The following CFAP43 variants were observed in gnomAD, a reference collection of about 807,000 sequenced individuals.
The protein encoded by CFAP43 is cilia and flagella associated protein 43.
CFAP43 carries 155 observed loss-of-function variants against 218.9 expected under a neutral mutation model. The ratio of observed to expected loss-of-function variants is 0.71; its 90% CI spans 0.62 to 0.81. CFAP43 has a LOEUF of 0.81. Among genes scored for constraint, CFAP43 ranks in the 30% least tolerant of loss-of-function variants. The pLI is 0.00. For synonymous variants in CFAP43, 645 were observed against 681.3 expected (o/e 0.95, Z 0.83); for missense variants, 1,778 against 1,954.3 (o/e 0.91, Z 1.70).
intron 20 of CFAP43, among the ~76,000 whole-genome samples, chr10:104,170,355 T>C (rs960187624): frequency 2.6e-5 from 4 of 151,716 alleles, no homozygotes; most frequent in African/African-American, 9.7e-5. Flanking sequence ...AGGGTGGCGG[T>C]GGGGTAGGTA....
At position 104,207,658 on chromosome 10, in the gene CFAP43, T is replaced by C; in HGVS notation, c.895+7A>G. On this transcript the variant is annotated splice_region_variant and intron_variant, in intron 6 of 37. Coordinates refer to ENST00000357060, the MANE Select transcript of CFAP43 (RefSeq NM_025145.7). ...ATACAGGAATATGAAGTAGGACAGTTTCTTACCCAATGGCGATTCCTCTTC... is the reference window on the plus strand; with the variant it reads ...ATACAGGAATATGAAGTAGGACAGTCTCTTACCCAATGGCGATTCCTCTTC... The C allele has an allele frequency of 3.1e-6, 5 of 1,611,108 alleles. No individual in the cohort carries two copies. The highest frequency in any genetic ancestry group is 4.2e-6 in the Non-Finnish European group (5 of 1,178,682).
chr10:104,174,831 G>A (rs1334493617), intron 19 of CFAP43, among the ~76,000 whole-genome samples: 2 of 151,552 alleles, frequency 1.3e-5, no homozygotes, highest in East Asian at 2.0e-4. Context: ...CGAGGTGGGC[G>A]CATCATGAGG....
Position 104,212,099 on chromosome 10 carries a change from G to C in CFAP43, c.643C>G (p.Pro215Ala). 1 of 1,613,722 alleles carries C rather than the reference G, an allele frequency of 6.2e-7. No homozygotes were observed. The change falls in exon 5 of 38, where the codon CCC (proline) becomes GCC (alanine). Residue 215 changes from proline to alanine, a missense_variant. Transcript: ENST00000357060. ...SFFNETDVVF[P>A]QSLPKDLIYG... ...ATGAGATCTTTCGGCAACGACTGGG[G>C]GAAAACGACATCCGTTTCATTAAAA...
rs558691506 is a variant in CFAP43, at chr10:104,194,430, T to A, written c.1294-416A>T. 6.6e-5 allele frequency among the ~76,000 whole-genome samples: 10 copies of A among 152,306 alleles called. No homozygotes were observed. The South Asian group carries it at 2.1e-3, about 32-fold the overall frequency. ...CATTTTTAAATTTTTATTTATTTAT[T>A]AGCGATGGGGTCTTCCTCTGTCTTG... On this transcript the variant is annotated intron_variant, in intron 10 of 37. Coordinates refer to ENST00000357060, the MANE Select transcript of CFAP43 (RefSeq NM_025145.7).
intron 1 of CFAP43, among the ~76,000 whole-genome samples, chr10:104,231,655 AG>A (rs1447505401): frequency 6.6e-6 from 1 of 152,150 alleles, no homozygotes; most frequent in Non-Finnish European, 1.5e-5. Context: ...TCTAGAATGT[AG>A]GGGAAAAAAT....
In CFAP43 at chr10:104,181,016, T is replaced by A. The variant is rs911945918; in HGVS notation, c.2290-1084A>T. Among the ~76,000 whole-genome samples the A allele has an allele frequency of 2.0e-5, 3 of 152,082 alleles. No individual in the cohort carries two copies. The South Asian group carries it at 6.2e-4, about 32-fold the overall frequency. On this transcript the variant is annotated intron_variant, in intron 17 of 37. Transcript: ENST00000357060. ...CCTTGACTCAAATCAACATATCCAG[T>A]CCTGACCTCTCCCCAGAACCCAAGG... is the stretch of plus-strand genomic sequence containing the variant.
chr10:104,224,777 A>T lies in CFAP43; in HGVS notation c.416+684T>A, dbSNP rs971406315. ...CTCAAAAAAAAAAAAAAAAAAAAAA[A>T]TTTACATAAACTAAATGTGGCTCCC... On this transcript the variant is annotated intron_variant, in intron 3 of 37. Coordinates refer to ENST00000357060, the MANE Select transcript of CFAP43 (RefSeq NM_025145.7). 8.0e-5 allele frequency among the ~76,000 whole-genome samples: 12 copies of T among 150,274 alleles called. No individual in the cohort carries two copies. In the East Asian group the frequency reaches 9.7e-4, roughly 12 times the overall value.
chr10:104,147,010 C>T (rs2088008991), intron 29 of CFAP43, among the ~76,000 whole-genome samples: 1 of 152,044 alleles, frequency 6.6e-6, no homozygotes, highest in South Asian at 2.1e-4. Flanking sequence ...CCTTTCCTGC[C>T]TTTGAGTCTG....
chr10:104,199,835 T>C (rs1396861778), intron 8 of CFAP43, among the ~76,000 whole-genome samples: 1 of 151,800 alleles, frequency 6.6e-6, no homozygotes, highest in Non-Finnish European at 1.5e-5. Context: ...AACGCTTGAA[T>C]GTAACAAAAC....
At chr10:104,229,627 G>T (rs1306742883) in intron 2 of CFAP43, among the ~76,000 whole-genome samples, 1 of 152,048 alleles carries the variant, frequency 6.6e-6, no homozygotes. Context: ...TCATGCCACT[G>T]CACTCCAGCC....
At chr10:104,147,030 A>G (rs775302701) in intron 29 of CFAP43, among the ~76,000 whole-genome samples, 8 of 152,004 alleles carry the variant, frequency 5.3e-5, no homozygotes, top group South Asian at 2.1e-4. Context: ...GCCAAAAGTA[A>G]CTGATGGTGG....
At chr10:104,226,641 C>T (rs2091310976) in intron 2 of CFAP43, among the ~76,000 whole-genome samples, 1 of 151,958 alleles carries the variant, frequency 6.6e-6, no homozygotes, top group South Asian at 2.1e-4. Flanking sequence ...GTCTTTTCTT[C>T]TGTGTTTACT....
chr10:104,143,392 A>C lies in CFAP43; in HGVS notation c.4158+34T>G, dbSNP rs757068592. ...TAAACTATGTATTTGATATTAGTAC[A>C]CTAAAAATTAAATTAAGTTAAAATA... On this transcript the variant is annotated intron_variant, in intron 32 of 37. Transcript: ENST00000357060. The C allele has an allele frequency of 1.2e-5, 19 of 1,558,908 alleles. No homozygotes were observed. The African/African-American group carries it at 2.4e-4, about 19-fold the overall frequency.
chr10:104,192,321 GA>G lies in CFAP43; in HGVS notation c.1443-20del. 3.8e-6 allele frequency: 6 copies of G among 1,568,724 alleles called. No individual in the cohort carries two copies. Among genetic ancestry groups the G allele is most frequent in the Non-Finnish European group, 5.3e-6 (6 of 1,140,516 alleles). ...ATCATAACTAGAAAAGAAGAAATCT[GA>G]TGATCAAATCCCAATTGTTTCACCA... On this transcript the variant is annotated intron_variant, in intron 11 of 37. Transcript: ENST00000357060.
intron 5 of CFAP43, among the ~76,000 whole-genome samples, chr10:104,210,122 G>A (rs867132164): frequency 6.6e-5 from 10 of 152,168 alleles, no homozygotes; most frequent in African/African-American, 2.4e-4. Flanking sequence ...ATAAAAGTGT[G>A]TATATATTCA....
chr10:104,205,228 A>G (rs890177219), intron 7 of CFAP43, among the ~76,000 whole-genome samples: 13 of 151,068 alleles, frequency 8.6e-5, no homozygotes, highest in African/African-American at 9.7e-5. Context: ...AAAAAAAAAA[A>G]AAAAAAAGAA....
intron 31 of CFAP43, among the ~76,000 whole-genome samples, chr10:104,144,572 C>G (rs1362051109): frequency 6.6e-6 from 1 of 152,124 alleles, no homozygotes; most frequent in Non-Finnish European, 1.5e-5. Flanking sequence ...ACGCTTGAAC[C>G]CGGGAGGCGG....
chr10:104,156,977 G>C (rs1316634279), intron 27 of CFAP43, among the ~76,000 whole-genome samples: 1 of 152,082 alleles, frequency 6.6e-6, no homozygotes, highest in Admixed American at 6.6e-5. Context: ...ACTGGCAAGG[G>C]GATAGGGATG....
At chr10:104,174,058 T>C (rs2089518849) in intron 19 of CFAP43, among the ~76,000 whole-genome samples, 1 of 152,210 alleles carries the variant, frequency 6.6e-6, no homozygotes, top group South Asian at 2.1e-4. Flanking sequence ...AAATATGTTA[T>C]TTTCAAAAGA....
Sources: allele counts gnomAD v4.1 joint callset (sites outside exome capture counted in the v4.1 genomes callset), GRCh38; gene constraint gnomAD v4.1.1; transcripts MANE v1.5; gene names NCBI Gene and HGNC (gene_info 2026-07-23, HGNC 2026-07-21).